The following PMPCA variants were observed in gnomAD, a reference collection of about 807,000 sequenced individuals.
PMPCA encodes mitochondrial-processing peptidase subunit alpha.
In PMPCA, 47 loss-of-function variants were observed where a neutral mutation model predicts 59.3. That is an observed-to-expected ratio of 0.79 (90% CI 0.63 to 1.01). The LOEUF (loss-of-function observed/expected upper bound fraction) is 1.01, where lower values mean the gene tolerates loss of function less well. Ranked by LOEUF, PMPCA falls within the 50% of genes least tolerant of loss-of-function variation. The pLI, the probability that PMPCA is intolerant of heterozygous loss-of-function variation, is 0.00. For missense variants in PMPCA, 726 were observed against 704.5 expected (o/e 1.03, Z -0.34); for synonymous variants, 338 against 290.3 (o/e 1.16, Z -1.67).
intron 11 of PMPCA, among the ~76,000 whole-genome samples, chr9:136,421,612 C>G (rs569469929): frequency 1.3e-5 from 2 of 152,238 alleles, no homozygotes; most frequent in Non-Finnish European, 2.9e-5. Flanking sequence ...AGGGGTTTCA[C>G]TCTGTTAGCC....
In PMPCA at chr9:136,423,180, T is replaced by C; in HGVS notation, c.1494T>C (p.Thr498=). 5.6e-6 allele frequency: 9 copies of C among 1,613,826 alleles called. No individual in the cohort carries two copies. Among genetic ancestry groups the C allele is most frequent in the Non-Finnish European group, 7.6e-6 (9 of 1,180,034 alleles). ...CAGTGGCCGCCCTGGGTGACCTGAC[T>C]GACCTGCCCACGTATGAGCACATCC... The part of the protein sequence containing the change: ...KPAVAALGDL[T]DLPTYEHIQT... The change falls in exon 13 of 13, where the codon ACT becomes ACC. Residue 498 remains threonine (T), a synonymous_variant. Transcript: ENST00000371717.
Position 136,417,147 on chromosome 9 carries a change from C to T in PMPCA, c.830C>T (p.Ala277Val), listed in dbSNP as rs1835303956. ...ARKYLLGVQP[A>V]WGSAEAVDID... ...AAGTACCTCCTGGGGGTCCAGCCGGCCTGGGGGAGCGCAGAGGCCGTGGAT... is the reference window on the plus strand; with the variant it reads ...AAGTACCTCCTGGGGGTCCAGCCGGTCTGGGGGAGCGCAGAGGCCGTGGAT... Residue 277 changes from alanine (A) to valine (V), a missense_variant, in exon 7 of 13, where the codon GCC becomes GTC. Transcript: ENST00000371717. 1.9e-6 allele frequency: 3 copies of T among 1,612,662 alleles called. No homozygotes were observed. In the African/African-American group the frequency reaches 4.0e-5, roughly 22 times the overall value.
chr9:136,415,331 T>G (rs1330578311), intron 5 of PMPCA, among the ~76,000 whole-genome samples: 4 of 152,322 alleles, frequency 2.6e-5, no homozygotes, highest in Admixed American at 2.0e-4. Flanking sequence ...CTCATCCCTG[T>G]GGGATGTTTT....
intron 10 of PMPCA, 21 bp from the exon 11 acceptor site, chr9:136,419,023 T>G (rs77206127): frequency 6.2e-7 from 1 of 1,612,594 alleles, no homozygotes; most frequent in African/African-American, 1.3e-5. Flanking sequence ...CACACTGTTA[T>G]CGTCTTGCCC....
In PMPCA at chr9:136,418,816, G is replaced by A. The variant is rs767613757; in HGVS notation, c.1110-12G>A. 4 of 1,604,316 alleles carry A rather than the reference G, an allele frequency of 2.5e-6. No homozygotes were observed. Among genetic ancestry groups the A allele is most frequent in the Non-Finnish European group, 2.6e-6 (3 of 1,172,530 alleles). On this transcript the variant is annotated splice_polypyrimidine_tract_variant and intron_variant, in intron 9 of 12. Transcript: ENST00000371717. ...AGTCCCCTTCACTCCCATGACTCTC[G>A]CTTCCTCCCAGGCACCACTGGATGT...
chr9:136,421,768 C>T (rs373674030), intron 11 of PMPCA, 64 bp from the exon 12 acceptor site: 19 of 1,451,446 alleles, frequency 1.3e-5, no homozygotes, highest in African/African-American at 5.6e-5. Flanking sequence ...TGCCATTGCT[C>T]GAGTGGGGGG....
chr9:136,412,926 G>A (rs1835175773), intron 4 of PMPCA, 34 bp downstream of exon 4: 2 of 1,260,512 alleles, frequency 1.6e-6, no homozygotes, highest in African/African-American at 1.5e-5. Flanking sequence ...CTGACTTTGG[G>A]TCCTTGGGAA....
intron 12 of PMPCA, chr9:136,422,671 CAG>C (rs1835491836): frequency 9.9e-7 from 1 of 1,014,734 alleles, no homozygotes; most frequent in East Asian, 9.3e-5. Context: ...CTGTAGAAAA[CAG>C]ACCCACCTGG....
At chr9:136,410,833 C>A in intron 1 of PMPCA, 94 bp downstream of exon 1, 3 of 1,080,980 alleles carry the variant, frequency 2.8e-6, no homozygotes, top group Non-Finnish European at 3.6e-6. Flanking sequence ...TGACATGGCG[C>A]CCGTGGGACG....
chr9:136,421,225 G>C (rs1293038782), intron 11 of PMPCA, among the ~76,000 whole-genome samples: 1 of 152,208 alleles, frequency 6.6e-6, no homozygotes, highest in Non-Finnish European at 1.5e-5. Context: ...TGGCATTTGG[G>C]AGTTAACTAT....
chr9:136,411,900 T>C, intron 1 of PMPCA, 97 bp from the exon 2 acceptor site: 1 of 754,910 alleles, frequency 1.3e-6, no homozygotes, highest in Non-Finnish European at 2.4e-6. Context: ...AGATGCTCAC[T>C]TTTAACCCAG....
chr9:136,423,356 G>T lies in PMPCA; in HGVS notation c.*92G>T. Reference sequence around the variant, plus strand: ...GGACACGAATTTAGTCTAAAAAGCTGTCTGGTTGTATAAACGGTGCAAACA... The same window carrying T: ...GGACACGAATTTAGTCTAAAAAGCTTTCTGGTTGTATAAACGGTGCAAACA... On this transcript the variant is annotated 3_prime_UTR_variant, in exon 13 of 13. Transcript: ENST00000371717. 7.5e-7 allele frequency: 1 copy of T among 1,340,466 alleles called. No individual in the cohort carries two copies. Among genetic ancestry groups the T allele is most frequent in the Non-Finnish European group, 1.0e-6 (1 of 987,064 alleles). 83.0% of individuals were successfully genotyped at this position (1,340,466 alleles called of 1,614,324 possible).
chr9:136,422,349 C>T (rs960664177), intron 12 of PMPCA: 17 of 1,143,970 alleles, frequency 1.5e-5, no homozygotes, highest in East Asian at 6.5e-5. Context: ...GCCGCTGTAC[C>T]GTTGCTGGCT....
rs1347374893 is a variant in PMPCA, at chr9:136,412,524, A to G, written c.309A>G (p.Lys103=). Residue 103 remains lysine (K), a synonymous_variant, in exon 3 of 13, where the codon AAA becomes AAG. Transcript: ENST00000371717. ...LINSGSRYEA[K]YLSGIAHFLE... is the part of the protein sequence containing the mutation. ...ATTCAGGATCGAGATATGAAGCGAA[A>G]TACCTTAGTGGAATTGCTCACTTTT... is the stretch of plus-strand genomic sequence containing the variant. The G allele has an allele frequency of 2.5e-6, 4 of 1,602,196 alleles. No individual in the cohort carries two copies. The highest frequency in any genetic ancestry group is 3.4e-6 in the Non-Finnish European group (4 of 1,171,038).
chr9:136,410,968 C>G (rs550849533), intron 1 of PMPCA: 17 of 395,824 alleles, frequency 4.3e-5, no homozygotes, highest in African/African-American at 2.1e-4. Flanking sequence ...CTCTCCCCCC[C>G]TCACTTCCCG....
chr9:136,418,870 C>G lies in PMPCA; in HGVS notation c.1152C>G (p.Tyr384Ter). 1 of 1,613,576 alleles carries G rather than the reference C, an allele frequency of 6.2e-7. No homozygotes were observed. The highest frequency in any genetic ancestry group is 8.5e-7 in the Non-Finnish European group (1 of 1,179,972). ...MYNATSYHHS[Y>*]EDTGLLCIHA... ...ACGCGACCTCCTACCACCACAGCTA[C>G]GAGGACACTGGCCTCCTTTGCATCC... The change falls in exon 10 of 13, where the codon TAC becomes TAG. Residue 384 changes from tyrosine (Y) to a stop codon, truncating the protein, a stop_gained. Coordinates refer to ENST00000371717, the MANE Select transcript of PMPCA (RefSeq NM_015160.3). LOFTEE classifies it high-confidence loss of function.
At chr9:136,419,221 CGGCAG>C (rs747133484) in intron 11 of PMPCA, 115 bp downstream of exon 11, 88 of 1,024,438 alleles carry the variant, frequency 8.6e-5, no homozygotes, top group South Asian at 1.8e-4. Context: ...GCCAAGGTCC[CGGCAG>C]GGCAGGGCAG....
intron 2 of PMPCA, 22 bp from the exon 3 acceptor site, chr9:136,412,468 T>A (rs1171515146): frequency 8.7e-7 from 1 of 1,154,186 alleles, no homozygotes; most frequent in East Asian, 2.3e-5. Flanking sequence ...ATGTAACCTG[T>A]CAATTTTCTT....
intron 4 of PMPCA, 47 bp from the exon 5 acceptor site, chr9:136,414,506 G>A (rs772796602): frequency 1.6e-6 from 2 of 1,272,294 alleles, no homozygotes; most frequent in Non-Finnish European, 2.3e-6. Context: ...CTGTTAAGCA[G>A]AGTGTGAGTT....
Sources: gnomAD v4.1 joint callset for allele counts (sites outside exome capture counted in the v4.1 genomes callset) on GRCh38, gnomAD v4.1.1 for gene constraint, MANE v1.5 for transcripts, NCBI Gene and HGNC (gene_info 2026-07-23, HGNC 2026-07-21) for gene names.